The following GUCY2F variants were observed in gnomAD, a reference collection of about 807,000 sequenced individuals.
GUCY2F encodes the protein guanylate cyclase 2F, retinal, also known as retinal guanylyl cyclase 2.
In GUCY2F, 61 loss-of-function variants were observed where a neutral mutation model predicts 73.1. That is an observed-to-expected ratio of 0.83 (90% CI 0.68 to 1.03). GUCY2F has a LOEUF of 1.03. Ranked by LOEUF, GUCY2F falls within the 50% of genes least tolerant of loss-of-function variation. GUCY2F has a pLI of 0.00. For missense variants in GUCY2F, 912 were observed against 854.3 expected, an observed-to-expected ratio of 1.07 and a Z score of -0.84; for synonymous variants, 331 against 307.8, an observed-to-expected ratio of 1.08 and a Z score of -0.79.
At chrX:109,399,612 A>G (rs1468854674) in intron 10 of GUCY2F, among the ~76,000 whole-genome samples, 2 of 111,537 alleles carry the variant, frequency 1.8e-5, no homozygotes, top group African/African-American at 3.3e-5. Context: ...AGTGTTTTAG[A>G]TTGAATTATA....
intron 8 of GUCY2F, among the ~76,000 whole-genome samples, chrX:109,413,322 CT>C (rs1187810369): frequency 8.9e-6 from 1 of 112,087 alleles, no homozygotes; most frequent in Non-Finnish European, 1.9e-5. Context: ...TCCATAATAC[CT>C]ATCTGGCTGG....
chrX:109,459,667 T>C (rs1310034719), intron 3 of GUCY2F, among the ~76,000 whole-genome samples: 1 of 111,430 alleles, frequency 9.0e-6, no homozygotes, highest in Non-Finnish European at 1.9e-5. Context: ...TGATTATGAC[T>C]CCCAAGAAGA....
At chrX:109,406,441 G>T (rs972453473) in intron 9 of GUCY2F, among the ~76,000 whole-genome samples, 3 of 112,067 alleles carry the variant, frequency 2.7e-5, no homozygotes, top group African/African-American at 9.7e-5. Flanking sequence ...TTGGATGAAA[G>T]AAAGGATCGC....
rs149933538 is a variant in GUCY2F, at chrX:109,392,028, G to A, written c.2664C>T (p.Ser888=). The change falls in exon 14 of 20, where the codon AGC becomes AGT. Residue 888 remains serine, a synonymous_variant. Coordinates refer to ENST00000218006, the MANE Select transcript of GUCY2F (RefSeq NM_001522.3). The part of the protein sequence containing the change: ...EGFDLVTLYF[S]DIVGFTTISA... ...AAATGGTTGTGAAGCCCACAATGTC[G>A]CTGAAGTACAAGGTGACCAAGTCAA... 856 of 1,206,331 alleles carry A rather than the reference G, an allele frequency of 7.1e-4. 4 individuals are homozygous for A. The African/African-American group carries it at 0.013, about 18-fold the overall frequency.
In GUCY2F at chrX:109,453,630, G is replaced by A. The variant is rs892253741; in HGVS notation, c.1262C>T (p.Thr421Ile). 5.7e-5 allele frequency: 68 copies of A among 1,190,898 alleles called. No individual in the cohort carries two copies. Among genetic ancestry groups the A allele is most frequent in the Non-Finnish European group, 7.3e-5 (64 of 878,072 alleles). ...CTCCATTTCCATGTCCACAGTGTAG[G>A]TGCTATGGAGTTCCCATTCTTTCAA... ...TNLKEWELHS[T>I]YTVDMEMELL... is the part of the protein sequence containing the mutation. The change falls in exon 4 of 20, where the codon ACC becomes ATC. Residue 421 changes from threonine to isoleucine, a missense_variant. Coordinates refer to ENST00000218006, the MANE Select transcript of GUCY2F (RefSeq NM_001522.3).
intron 14 of GUCY2F, 47 bp from the exon 15 acceptor site, chrX:109,388,710 CT>C: frequency 1.1e-6 from 1 of 899,064 alleles, no homozygotes; most frequent in Non-Finnish European, 1.6e-6. Flanking sequence ...ATTTGTGCTT[CT>C]TTTTAGCACA....
At chrX:109,480,917 G>C (rs1193856577) in intron 1 of GUCY2F, among the ~76,000 whole-genome samples, 1 of 107,564 alleles carries the variant, frequency 9.3e-6, no homozygotes, top group Non-Finnish European at 1.9e-5. Flanking sequence ...AAAAAAGAAG[G>C]GAAGGAAGGA....
At chrX:109,420,418 AG>A (rs1931347411) in intron 8 of GUCY2F, among the ~76,000 whole-genome samples, 2 of 108,475 alleles carry the variant, frequency 1.8e-5, no homozygotes, top group Admixed American at 9.8e-5. Context: ...GGGAGGAAAA[AG>A]GGAGAAGGAG....
chrX:109,409,870 C>T (rs957709636), intron 8 of GUCY2F, among the ~76,000 whole-genome samples: 1 of 111,666 alleles, frequency 9.0e-6, no homozygotes, highest in African/African-American at 3.3e-5. Flanking sequence ...CATTAAACTT[C>T]TTTCCTTTAT....
Position 109,453,646 on chromosome X carries a change from A to G in GUCY2F, c.1246T>C (p.Trp416Arg). 1 of 1,203,426 alleles carries G rather than the reference A, an allele frequency of 8.3e-7. No homozygotes were observed. Among genetic ancestry groups the G allele is most frequent in the Non-Finnish European group, 1.1e-6 (1 of 888,072 alleles). ...YVILDTNLKE[W>R]ELHSTYTVDM... ...ACAGTGTAGGTGCTATGGAGTTCCC[A>G]TTCTTTCAAGTTGGTGTCCAGGATT... Residue 416 changes from tryptophan to arginine, a missense_variant, in exon 4 of 20, where the codon TGG (tryptophan) becomes CGG (arginine). Coordinates refer to ENST00000218006, the MANE Select transcript of GUCY2F (RefSeq NM_001522.3).
intron 15 of GUCY2F, among the ~76,000 whole-genome samples, chrX:109,386,492 G>A (rs1024444386): frequency 4.5e-5 from 5 of 111,847 alleles, no homozygotes; most frequent in African/African-American, 1.6e-4. Context: ...CATGGCTCAC[G>A]AGAAACTGGA....
At chrX:109,381,797 A>G (rs767424774) in intron 17 of GUCY2F, among the ~76,000 whole-genome samples, 2 of 112,700 alleles carry the variant, frequency 1.8e-5, no homozygotes, top group African/African-American at 3.2e-5. Context: ...GAAAAAATGT[A>G]GGTTAGAAAA....
chrX:109,412,739 T>G (rs999211644), intron 8 of GUCY2F, among the ~76,000 whole-genome samples: 2 of 112,372 alleles, frequency 1.8e-5, no homozygotes, highest in African/African-American at 6.5e-5. Flanking sequence ...ATGACTGAAT[T>G]CCAAGCAATG....
rs768230888 is a variant in GUCY2F at position 109,456,937 on chromosome X, G to C, written c.1033-3078C>G. On this transcript the variant is annotated intron_variant, in intron 3 of 19. Coordinates refer to ENST00000218006, the MANE Select transcript of GUCY2F (RefSeq NM_001522.3). ...GAGAAAAGGTAAAGGGTGGAACACA[G>C]GAAGAAGAGGCATTCTCTACAGGCC... 3.6e-5 allele frequency among the ~76,000 whole-genome samples: 4 copies of C among 111,735 alleles called. No homozygotes were observed. The South Asian group carries it at 1.5e-3, about 42-fold the overall frequency.
intron 8 of GUCY2F, among the ~76,000 whole-genome samples, chrX:109,425,008 C>A (rs1350155482): frequency 2.7e-5 from 3 of 111,223 alleles, no homozygotes; most frequent in Non-Finnish European, 5.7e-5. Flanking sequence ...CTCAGGTGAT[C>A]CACCTGCCTC....
chrX:109,449,149 A>G (rs1372080648), intron 5 of GUCY2F, among the ~76,000 whole-genome samples: 1 of 111,854 alleles, frequency 8.9e-6, no homozygotes, highest in Non-Finnish European at 1.9e-5. Context: ...TAAAGCCAAG[A>G]GCCATGGTGG....
chrX:109,443,137 C>T (rs1044380168), intron 6 of GUCY2F, among the ~76,000 whole-genome samples: 27 of 111,266 alleles, frequency 2.4e-4, no homozygotes, highest in African/African-American at 7.5e-4. Flanking sequence ...TGTGACTACA[C>T]AGCAATTAAG....
At chrX:109,437,698 A>C (rs1931784228) in intron 7 of GUCY2F, among the ~76,000 whole-genome samples, 1 of 112,937 alleles carries the variant, frequency 8.9e-6, no homozygotes, top group South Asian at 3.6e-4. Context: ...GCCTGGGAGC[A>C]GGTATTTCTT....
rs781778645 is a variant in GUCY2F, at chrX:109,475,500, A to T, written c.437T>A (p.Ile146Asn). Reference sequence around the variant, plus strand: ...ATAATTCACACAAGCCCAAGAGAAAATTCCTTTGTCCCAGCTGTTTCCCAG... The same window carrying T: ...ATAATTCACACAAGCCCAAGAGAAATTTCCTTTGTCCCAGCTGTTTCCCAG... ...SLLGNSWDKG[I>N]FSWACVNYEL... Residue 146 changes from isoleucine (I) to asparagine (N), a missense_variant, in exon 2 of 20, where the codon ATT (isoleucine) becomes AAT (asparagine). By Grantham distance (149) the Ile-to-Asn change is moderately radical (BLOSUM62 -3). Transcript: ENST00000218006. 1 of 1,210,871 alleles carries T rather than the reference A, an allele frequency of 8.3e-7. No individual in the cohort carries two copies. The highest frequency in any genetic ancestry group is 1.1e-6 in the Non-Finnish European group (1 of 894,894).
Sources: allele counts gnomAD v4.1 joint callset (sites outside exome capture counted in the v4.1 genomes callset), GRCh38; gene constraint gnomAD v4.1.1; transcripts MANE v1.5; gene names NCBI Gene and HGNC (gene_info 2026-07-23, HGNC 2026-07-21).